Variants in NELL1 observed in about 807,000 individuals in gnomAD.
NELL1 encodes neural EGFL like 1.
In NELL1, 76 loss-of-function variants were observed where a neutral mutation model predicts 107.4. That is an observed-to-expected ratio of 0.71 (90% confidence interval 0.59 to 0.86). The LOEUF (loss-of-function observed/expected upper bound fraction) is 0.86. Among genes scored for constraint, NELL1 ranks in the 40% least tolerant of loss-of-function variants. The pLI is 0.00. For synonymous variants in NELL1, 353 were observed against 341.2 expected, an observed-to-expected ratio of 1.03 and a Z score of -0.38; for missense variants, 1,024 against 1,005.5, an observed-to-expected ratio of 1.02 and a Z score of -0.25.
rs59239329 is a variant in NELL1 at position 21,361,259 on chromosome 11, AT to A, written c.1550-9567del. 2.6e-3 allele frequency among the ~76,000 whole-genome samples: 292 copies of A among 113,572 alleles called. 2 individuals carry two copies. The highest frequency in any genetic ancestry group is 5.6e-3 in the Middle Eastern group (1 of 180). 74.5% of individuals were successfully genotyped at this position (113,572 alleles called of 152,430 possible). A position where few individuals can be genotyped will look rare whatever the true frequency, so the allele number is the denominator to read the frequency against. On this transcript the variant is annotated intron_variant, in intron 14 of 19. Transcript: ENST00000357134. ...CTAGATACAAATTCCTTGTGTGACA[AT>A]TTTTTTTTTTTTTTTTTTTTTTTTT... is the stretch of plus-strand genomic sequence containing the variant.
At chr11:21,224,077 C>G (rs961543064) in intron 13 of NELL1, among the ~76,000 whole-genome samples, 1 of 152,120 alleles carries the variant, frequency 6.6e-6, no homozygotes, top group African/African-American at 2.4e-5. Context: ...GTTTTCCTCT[C>G]AGTTTTTAGC....
intron 15 of NELL1, among the ~76,000 whole-genome samples, chr11:21,531,076 T>C (rs985626787): frequency 6.6e-6 from 1 of 152,146 alleles, no homozygotes; most frequent in African/African-American, 2.4e-5. Context: ...AGTACTAAAA[T>C]AGATGTGTGT....
Position 21,170,247 on chromosome 11 carries a change from C to G in NELL1, c.1426+56533C>G, listed in dbSNP as rs7114973. The G allele has an allele frequency of 1.8e-4, 72 of 408,888 alleles. 4 individuals are homozygous for G. The highest frequency in any genetic ancestry group is 1.4e-3 in the African/African-American group (68 of 47,884). The allele number at this position is 408,888 out of a possible 1,614,324, so 25.3% of individuals were successfully genotyped here. A position where few individuals can be genotyped will look rare whatever the true frequency, so the allele number is the denominator to read the frequency against. On this transcript the variant is annotated intron_variant, in intron 13 of 19. Coordinates refer to ENST00000357134, the MANE Select transcript of NELL1 (RefSeq NM_006157.5). ...AATTTCTTGTCCTCTTGGTTCATAA[C>G]TACAAGGGTATGGGCCTTGGACTGC... is the stretch of plus-strand genomic sequence containing the variant.
intron 3 of NELL1, among the ~76,000 whole-genome samples, chr11:20,797,460 G>A (rs920969060): frequency 7.9e-5 from 12 of 151,126 alleles, no homozygotes; most frequent in African/African-American, 2.4e-4. Context: ...CAGCTACTTC[G>A]GAGGCTGAGG....
At chr11:20,933,625 T>C (rs1416897269) in intron 9 of NELL1, among the ~76,000 whole-genome samples, 1 of 152,170 alleles carries the variant, frequency 6.6e-6, no homozygotes, top group Non-Finnish European at 1.5e-5. Flanking sequence ...GTGCTGATTT[T>C]GACATTCTAG....
chr11:20,948,131 C>T (rs573620906), intron 11 of NELL1, among the ~76,000 whole-genome samples: 1 of 152,230 alleles, frequency 6.6e-6, no homozygotes, highest in South Asian at 2.1e-4. Context: ...TAACCTTGAA[C>T]TCCTGGGCCC....
At chr11:21,342,569 A>G (rs1330368463) in intron 14 of NELL1, among the ~76,000 whole-genome samples, 1 of 151,328 alleles carries the variant, frequency 6.6e-6, no homozygotes, top group African/African-American at 2.4e-5. Context: ...ACTTGAGCCC[A>G]GGTAGTCGAG....
At chr11:21,109,159 G>A (rs958124774) in intron 12 of NELL1, among the ~76,000 whole-genome samples, 3 of 152,008 alleles carry the variant, frequency 2.0e-5, no homozygotes, top group Non-Finnish European at 4.4e-5. Context: ...CAAGATAAAT[G>A]GAAGGATGAG....
intron 2 of NELL1, among the ~76,000 whole-genome samples, chr11:20,689,314 T>A (rs1485181399): frequency 1.3e-5 from 2 of 151,896 alleles, no homozygotes; most frequent in Non-Finnish European, 2.9e-5. Flanking sequence ...CTTTAAGTTT[T>A]AGGGTACATG....
chr11:20,710,489 A>G (rs1305593625), intron 2 of NELL1, among the ~76,000 whole-genome samples: 1 of 151,984 alleles, frequency 6.6e-6, no homozygotes, highest in Non-Finnish European at 1.5e-5. Flanking sequence ...TTCATCAGGG[A>G]TATTGGTCTG....
chr11:21,406,816 A>G (rs1344719109), intron 15 of NELL1, among the ~76,000 whole-genome samples: 1 of 151,980 alleles, frequency 6.6e-6, no homozygotes, highest in Non-Finnish European at 1.5e-5. Context: ...TATGTTTCCT[A>G]TCTTTGTGTG....
chr11:21,010,118 A>C (rs1002213378), intron 12 of NELL1, among the ~76,000 whole-genome samples: 2 of 151,964 alleles, frequency 1.3e-5, no homozygotes, highest in African/African-American at 4.8e-5. Context: ...TTAGTAGAGC[A>C]TTGTTTAATT....
chr11:21,476,896 G>C (rs1854350048), intron 15 of NELL1, among the ~76,000 whole-genome samples: 1 of 152,128 alleles, frequency 6.6e-6, no homozygotes, highest in African/African-American at 2.4e-5. Context: ...GTTCATGGAG[G>C]GAACACTTGG....
intron 5 of NELL1, among the ~76,000 whole-genome samples, chr11:20,909,713 C>G (rs1035559416): frequency 6.6e-6 from 1 of 152,132 alleles, no homozygotes; most frequent in Non-Finnish European, 1.5e-5. Context: ...TTCTCTTCTG[C>G]CCACCATGCC....
At chr11:21,528,974 G>A (rs1855928821) in intron 15 of NELL1, among the ~76,000 whole-genome samples, 1 of 151,944 alleles carries the variant, frequency 6.6e-6, no homozygotes, top group African/African-American at 2.4e-5. Flanking sequence ...TCTAACCTGA[G>A]CACAGTCTTT....
intron 3 of NELL1, among the ~76,000 whole-genome samples, chr11:20,807,662 T>C (rs945161658): frequency 1.3e-5 from 2 of 152,160 alleles, no homozygotes; most frequent in Non-Finnish European, 2.9e-5. Context: ...CCTGGGTGGG[T>C]CCAGAGATTC....
intron 13 of NELL1, among the ~76,000 whole-genome samples, chr11:21,228,649 T>A (rs1018852285): frequency 3.4e-5 from 5 of 149,182 alleles, no homozygotes; most frequent in Non-Finnish European, 7.4e-5. Flanking sequence ...AGCCATGCAA[T>A]CTCTCATATA....
chr11:20,785,204 T>C (rs936453711), intron 3 of NELL1, among the ~76,000 whole-genome samples: 1 of 152,196 alleles, frequency 6.6e-6, no homozygotes, highest in African/African-American at 2.4e-5. Context: ...CTATGCAGAC[T>C]TTTGGTAGTT....
At chr11:20,773,758 A>T (rs1439261844) in intron 2 of NELL1, 1 of 152,170 alleles carries the variant, frequency 6.6e-6, no homozygotes, top group African/African-American at 2.4e-5. Flanking sequence ...TCAGCCTCCC[A>T]AAGTGCTGGG....
Sources: allele counts gnomAD v4.1 joint callset (sites outside exome capture counted in the v4.1 genomes callset), GRCh38; gene constraint gnomAD v4.1.1; transcripts MANE v1.5; gene names NCBI Gene and HGNC (gene_info 2026-07-23, HGNC 2026-07-21).